The following SCNN1G variants were observed in gnomAD, a reference collection of about 807,000 sequenced individuals.
SCNN1G encodes the protein epithelial sodium channel subunit gamma.
Under a neutral mutation model 64.6 loss-of-function variants are expected in SCNN1G, and 27 were observed. The observed-to-expected ratio is 0.42, with a 90% CI of 0.31 to 0.58. The LOEUF (loss-of-function observed/expected upper bound fraction) is 0.58. Ranked by LOEUF, SCNN1G falls within the 20% of genes least tolerant of loss-of-function variation. The pLI is 0.18. For missense variants in SCNN1G, 743 were observed against 823.4 expected (o/e 0.90, Z 1.19); for synonymous variants, 330 against 314.2 (o/e 1.05, Z -0.53).
chr16:23,202,264 G>GTGGATGGATGGATGGA (rs766730532), intron 6 of SCNN1G, among the ~76,000 whole-genome samples: 1 of 98,602 alleles, frequency 1.0e-5, no homozygotes, highest in Non-Finnish European at 2.1e-5. Context: ...GGGTGGGTGG[G>GTGGATGGATGGATGGA]TGGATGGATG....
At chr16:23,215,051 A>G in intron 12 of SCNN1G, 38 bp from the exon 13 acceptor site, 1 of 1,612,688 alleles carries the variant, frequency 6.2e-7, no homozygotes. Context: ...ACTTGGGGGG[A>G]GGTTCCTCTT....
At chr16:23,209,117 G>A (rs1298828272) in intron 6 of SCNN1G, among the ~76,000 whole-genome samples, 5 of 151,922 alleles carry the variant, frequency 3.3e-5, no homozygotes, top group Non-Finnish European at 4.4e-5. Flanking sequence ...CTACCCAATC[G>A]TACTCTGTCC....
chr16:23,215,614 C>G lies in SCNN1G; in HGVS notation c.*145C>G. 1 of 941,714 alleles carries G rather than the reference C, an allele frequency of 1.1e-6. No homozygotes were observed. Among genetic ancestry groups the G allele is most frequent in the Non-Finnish European group, 1.6e-6 (1 of 608,188 alleles). 58.3% of individuals were successfully genotyped at this position (941,714 alleles called of 1,614,324 possible). On this transcript the variant is annotated 3_prime_UTR_variant, in exon 13 of 13. Transcript: ENST00000300061. ...TCTGACCAAAAAGCCTGCTTTAAAC[C>G]GCAAGATGGGGCCTGGGCATGCGCA...
rs751688126 is a variant in SCNN1G at position 23,215,448 on chromosome 16, C to G, written c.1929C>G (p.Thr643=). The G allele has an allele frequency of 2.5e-6, 4 of 1,611,752 alleles. No homozygotes were observed. The highest frequency in any genetic ancestry group is 3.4e-6 in the Non-Finnish European group (4 of 1,180,018). ...CCTTTTCCAACCAGCTCACAGATAC[C>G]CAGATGCTGGATGAGCTCTGAGGCA... ...ERAFSNQLTD[T]QMLDEL is the part of the protein sequence containing the mutation. The change falls in exon 13 of 13, where the codon ACC becomes ACG. Residue 643 remains threonine (T), a synonymous_variant. Coordinates refer to ENST00000300061, the MANE Select transcript of SCNN1G (RefSeq NM_001039.4).
chr16:23,187,541 C>T (rs895360249), intron 2 of SCNN1G, among the ~76,000 whole-genome samples: 1 of 152,170 alleles, frequency 6.6e-6, no homozygotes, highest in Non-Finnish European at 1.5e-5. Context: ...CCAAATTAGC[C>T]AACCCCCATC....
intron 6 of SCNN1G, among the ~76,000 whole-genome samples, chr16:23,208,740 C>T (rs1051031253): frequency 1.3e-5 from 2 of 149,610 alleles, no homozygotes; most frequent in Non-Finnish European, 3.0e-5. Context: ...CTCCCTCTCT[C>T]TCTCTCTTTG....
At chr16:23,196,707 A>G (rs1479437174) in intron 5 of SCNN1G, among the ~76,000 whole-genome samples, 1 of 152,238 alleles carries the variant, frequency 6.6e-6, no homozygotes, top group Non-Finnish European at 1.5e-5. Context: ...CAGCCGATCC[A>G]TGGCAGAGCC....
At chr16:23,209,695 C>G in intron 6 of SCNN1G, 55 bp from the exon 7 acceptor site, 1 of 1,348,196 alleles carries the variant, frequency 7.4e-7, no homozygotes, top group South Asian at 1.2e-5. Context: ...CTTGCAAAGC[C>G]CCCGCCTGGG....
intron 3 of SCNN1G, among the ~76,000 whole-genome samples, 181 bp from the exon 4 acceptor site, chr16:23,192,171 T>C (rs1463992216): frequency 6.6e-6 from 1 of 152,124 alleles, no homozygotes; most frequent in Non-Finnish European, 1.5e-5. Context: ...TTTTGGTCCT[T>C]GAGGCTTGAG....
chr16:23,214,226 TA>T (rs777483456), intron 11 of SCNN1G, among the ~76,000 whole-genome samples: 2 of 152,246 alleles, frequency 1.3e-5, no homozygotes, highest in Non-Finnish European at 2.9e-5. Flanking sequence ...GATGAAAATA[TA>T]CATACCTGCC....
chr16:23,198,370 G>C (rs994801812), intron 6 of SCNN1G, among the ~76,000 whole-genome samples: 4 of 152,132 alleles, frequency 2.6e-5, no homozygotes. Context: ...TTGTTTGCAG[G>C]CCTGGGGTCT....
chr16:23,208,246 C>T (rs996987812), intron 6 of SCNN1G, among the ~76,000 whole-genome samples: 1 of 152,080 alleles, frequency 6.6e-6, no homozygotes, highest in Non-Finnish European at 1.5e-5. Flanking sequence ...CTCAGAGAGG[C>T]TGAGGCAGGA....
intron 3 of SCNN1G, among the ~76,000 whole-genome samples, chr16:23,192,046 C>T (rs894470043): frequency 2.6e-5 from 4 of 151,238 alleles, no homozygotes; most frequent in East Asian, 1.9e-4. Flanking sequence ...TAGCATCAAT[C>T]GGATGAAACC....
rs1303134325 is a variant in SCNN1G at position 23,186,305 on chromosome 16, A to G, written c.34A>G (p.Lys12Glu). The G allele has an allele frequency of 6.2e-7, 1 of 1,614,208 alleles. No individual in the cohort carries two copies. Among genetic ancestry groups the G allele is most frequent in the Non-Finnish European group, 8.5e-7 (1 of 1,180,032 alleles). The stretch of plus-strand genomic sequence containing the variant: ...CGGAGAGAAGATCAAAGCCAAAATC[A>G]AGAAGAATCTGCCCGTGACGGGCCC... Reference protein sequence around the residue: ...APGEKIKAKIKKNLPVTGPQA... With the variant: ...APGEKIKAKIEKNLPVTGPQA... Residue 12 changes from lysine to glutamate, a missense_variant, in exon 2 of 13, where the codon AAG becomes GAG. By Grantham distance (56) the Lys-to-Glu change is moderately conservative. Transcript: ENST00000300061.
intron 11 of SCNN1G, among the ~76,000 whole-genome samples, chr16:23,213,976 C>T (rs1415314689): frequency 6.6e-6 from 1 of 152,186 alleles, no homozygotes; most frequent in African/African-American, 2.4e-5. Context: ...CTGGCAAGAA[C>T]GACCCTCCAC....
intron 3 of SCNN1G, among the ~76,000 whole-genome samples, chr16:23,190,251 A>AT (rs1407413093): frequency 6.6e-6 from 1 of 151,824 alleles, no homozygotes; most frequent in Non-Finnish European, 1.5e-5. Flanking sequence ...AAGTAAAATT[A>AT]TTTTTTAAAA....
chr16:23,207,350 AC>A (rs1301968872), intron 6 of SCNN1G, among the ~76,000 whole-genome samples: 1 of 152,198 alleles, frequency 6.6e-6, no homozygotes. Context: ...GTTCAGCAGG[AC>A]CGGGGGGACC....
chr16:23,192,312 G>A, intron 3 of SCNN1G, 40 bp from the exon 4 acceptor site: 1 of 1,520,212 alleles, frequency 6.6e-7, no homozygotes, highest in Non-Finnish European at 9.1e-7. Context: ...AGTAGCGATA[G>A]GACCGATGGC....
At chr16:23,201,491 C>A (rs1959888251) in intron 6 of SCNN1G, among the ~76,000 whole-genome samples, 1 of 151,456 alleles carries the variant, frequency 6.6e-6, no homozygotes, top group Admixed American at 6.6e-5. Flanking sequence ...CAGGGTCAGT[C>A]AGCTCTAGGT....
Sources: allele counts gnomAD v4.1 joint callset (sites outside exome capture counted in the v4.1 genomes callset), GRCh38; gene constraint gnomAD v4.1.1; transcripts MANE v1.5; gene names NCBI Gene and HGNC (gene_info 2026-07-23, HGNC 2026-07-21).